Variants in PIGK observed in about 807,000 individuals in gnomAD.
PIGK encodes GPI-anchor transamidase.
PIGK carries 42 observed loss-of-function variants against 50.6 expected under a neutral mutation model. That is an observed-to-expected ratio of 0.83 (90% CI 0.65 to 1.07). PIGK has a LOEUF of 1.07. PIGK is among the 50% of genes least tolerant of loss of function. The probability of loss-of-function intolerance (pLI) is 0.00; values close to 1 mark genes in which losing one functional copy is unlikely to be tolerated. For missense variants in PIGK, 448 were observed against 488.7 expected, an observed-to-expected ratio of 0.92 and a Z score of 0.78; for synonymous variants, 151 against 156.0, an observed-to-expected ratio of 0.97 and a Z score of 0.24.
intron 1 of PIGK, among the ~76,000 whole-genome samples, chr1:77,212,785 C>G (rs904228089): frequency 5.3e-5 from 8 of 152,170 alleles, no homozygotes; most frequent in Admixed American, 2.0e-4. Context: ...GCACCCAACA[C>G]TGGAGCACCC....
intron 9 of PIGK, among the ~76,000 whole-genome samples, chr1:77,143,668 T>C (rs1285744499): frequency 6.6e-6 from 1 of 152,108 alleles, no homozygotes; most frequent in Non-Finnish European, 1.5e-5. Flanking sequence ...CGCCAGCATT[T>C]AAAAATATTA....
chr1:77,208,358 T>C (rs1656339694), intron 2 of PIGK, among the ~76,000 whole-genome samples: 1 of 152,202 alleles, frequency 6.6e-6, no homozygotes, highest in South Asian at 2.1e-4. Context: ...TTCTTTTTCA[T>C]CTTTTATTTT....
chr1:77,115,110 A>G (rs1029055209), intron 10 of PIGK, among the ~76,000 whole-genome samples: 3 of 152,218 alleles, frequency 2.0e-5, no homozygotes, highest in Non-Finnish European at 4.4e-5. Context: ...AAACACTAAA[A>G]TGCCAAAATT....
chr1:77,213,339 G>GA (rs1029626537), intron 1 of PIGK, among the ~76,000 whole-genome samples: 38 of 152,176 alleles, frequency 2.5e-4, no homozygotes, highest in Admixed American at 2.1e-3. Context: ...CAGTGAATTT[G>GA]AAAAAATCAA....
intron 9 of PIGK, among the ~76,000 whole-genome samples, chr1:77,136,580 G>A (rs915426598): frequency 6.8e-6 from 1 of 147,522 alleles, no homozygotes; most frequent in Non-Finnish European, 1.5e-5. Context: ...TGTCAACTTA[G>A]TTGTTACCCA....
intron 4 of PIGK, 40 bp downstream of exon 4, chr1:77,169,220 C>G (rs1655300965): frequency 7.4e-7 from 1 of 1,348,692 alleles, no homozygotes. Flanking sequence ...CTAAAAGTAA[C>G]AATGCCATTT....
chr1:77,182,208 C>T (rs699832), intron 3 of PIGK, among the ~76,000 whole-genome samples: 150,059 of 152,284 alleles, frequency 0.99, 73,966 homozygotes, highest in Middle Eastern at 1. Context: ...ACGAAGATAA[C>T]AGCTAACATT....
intron 10 of PIGK, among the ~76,000 whole-genome samples, chr1:77,112,905 C>A (rs537711857): frequency 8.6e-5 from 13 of 152,044 alleles, no homozygotes; most frequent in Non-Finnish European, 1.6e-4. Context: ...ACATATGCCC[C>A]TAATACTATG....
chr1:77,113,643 TCA>T (rs1317611987), intron 10 of PIGK, among the ~76,000 whole-genome samples: 1 of 152,138 alleles, frequency 6.6e-6, no homozygotes, highest in Non-Finnish European at 1.5e-5. Flanking sequence ...CTCCTTATCA[TCA>T]GTTTTATGGA....
At chr1:77,121,688 G>A (rs1178210966) in intron 10 of PIGK, among the ~76,000 whole-genome samples, 2 of 152,144 alleles carry the variant, frequency 1.3e-5, no homozygotes, top group African/African-American at 4.8e-5. Flanking sequence ...TGGCACAGCA[G>A]GGCAGAGGTT....
chr1:77,212,918 G>A (rs1048728425), intron 1 of PIGK, among the ~76,000 whole-genome samples: 7 of 151,940 alleles, frequency 4.6e-5, no homozygotes, highest in Non-Finnish European at 2.9e-5. Flanking sequence ...AATCAACAAG[G>A]AAACATTGAA....
intron 3 of PIGK, among the ~76,000 whole-genome samples, chr1:77,173,101 T>A (rs982496003): frequency 6.6e-6 from 1 of 152,106 alleles, no homozygotes; most frequent in Non-Finnish European, 1.5e-5. Flanking sequence ...AAGAACTGAG[T>A]TCCTTCTGGC....
intron 8 of PIGK, among the ~76,000 whole-genome samples, chr1:77,154,917 A>C (rs2100551713): frequency 6.6e-6 from 1 of 152,334 alleles, no homozygotes; most frequent in East Asian, 1.9e-4. Flanking sequence ...CTTAACTCTG[A>C]GAACTCATAC....
intron 10 of PIGK, among the ~76,000 whole-genome samples, chr1:77,095,056 T>A (rs904844861): frequency 1.3e-5 from 2 of 152,190 alleles, no homozygotes; most frequent in Admixed American, 6.6e-5. Flanking sequence ...AACTGCTCTT[T>A]GCAGTTGCTA....
chr1:77,179,281 G>T (rs935567032), intron 3 of PIGK, among the ~76,000 whole-genome samples: 5 of 152,106 alleles, frequency 3.3e-5, no homozygotes, highest in African/African-American at 1.2e-4. Context: ...TTAAAGTTTT[G>T]GTCAATCTCT....
chr1:77,168,130 A>G (rs1348625246), intron 4 of PIGK, among the ~76,000 whole-genome samples: 1 of 152,244 alleles, frequency 6.6e-6, no homozygotes, highest in African/African-American at 2.4e-5. Flanking sequence ...TAAAAAATTC[A>G]TAACACTTTA....
At chr1:77,187,786 G>T (rs1370851820) in intron 3 of PIGK, among the ~76,000 whole-genome samples, 1 of 152,214 alleles carries the variant, frequency 6.6e-6, no homozygotes, top group Non-Finnish European at 1.5e-5. Flanking sequence ...CCTGTTGCGG[G>T]AAGTCAGGGA....
At chr1:77,103,389 C>G (rs1031564080) in intron 10 of PIGK, among the ~76,000 whole-genome samples, 2 of 152,164 alleles carry the variant, frequency 1.3e-5, no homozygotes, top group East Asian at 1.9e-4. Flanking sequence ...AATAAAGCTT[C>G]ATTTATCAAC....
chr1:77,123,228 G>A (rs1478220889), intron 9 of PIGK, among the ~76,000 whole-genome samples: 2 of 152,052 alleles, frequency 1.3e-5, no homozygotes, highest in Non-Finnish European at 2.9e-5. Flanking sequence ...TTGATTTCAA[G>A]ACAATAAAAC....
Sources: gnomAD v4.1 joint callset for allele counts (sites outside exome capture counted in the v4.1 genomes callset) on GRCh38, gnomAD v4.1.1 for gene constraint, MANE v1.5 for transcripts, NCBI Gene and HGNC (gene_info 2026-07-23, HGNC 2026-07-21) for gene names.